BTNL3: variants seen among roughly 807,000 people sequenced by gnomAD.
The protein encoded by BTNL3 is butyrophilin-like protein 3.
BTNL3 carries 20 observed loss-of-function variants against 40.1 expected under a neutral mutation model. The observed-to-expected ratio is 0.50, with a 90% CI of 0.35 to 0.72. The LOEUF (loss-of-function observed/expected upper bound fraction) is 0.72, where lower values mean the gene tolerates loss of function less well. Ranked by LOEUF, BTNL3 falls within the 30% of genes least tolerant of loss-of-function variation. BTNL3 has a pLI of 0.01. For synonymous variants in BTNL3, 179 were observed against 222.1 expected (o/e 0.81, Z 1.73); for missense variants, 449 against 582.2 (o/e 0.77, Z 2.35).
At chr5:180,999,536 A>G (rs1582088528) in intron 3 of BTNL3, among the ~76,000 whole-genome samples, 1 of 137,380 alleles carries the variant, frequency 7.3e-6, no homozygotes, top group Non-Finnish European at 1.7e-5. Context: ...GCAGTGGCTC[A>G]TGCCTGTAGT....
chr5:181,004,854 T>C (rs1462892957), intron 7 of BTNL3, 92 bp downstream of exon 7: 4 of 1,611,188 alleles, frequency 2.5e-6, no homozygotes, highest in Non-Finnish European at 3.4e-6. Context: ...ACAGCAAATC[T>C]GTGATGCCCG....
rs560575104 is a variant in BTNL3 at position 180,991,190 on chromosome 5, G to A, written c.50-1623G>A. Among the ~76,000 whole-genome samples the A allele has an allele frequency of 1.0e-4, 14 of 137,494 alleles. No homozygotes were observed. In the South Asian group the frequency reaches 2.8e-3, roughly 28 times the overall value. The allele number at this position is 137,494 out of a possible 152,430, so 90.2% of individuals were successfully genotyped here. On this transcript the variant is annotated intron_variant, in intron 1 of 7. Transcript: ENST00000342868. The stretch of plus-strand genomic sequence containing the variant: ...CAGGTCAGCAGCTGGTCTGACACCA[G>A]GCTGCAAAGTCACGCCTCACTTAAT...
rs80267416 is a variant in BTNL3, at chr5:181,003,869, G to A, written c.801G>A (p.Ala267=). Reference sequence around the variant, plus strand: ...TTTCTGTTTCAGGGAAAATCCAGGCGGAACTGGGTATGTGTCATGTCCTGA... The same window carrying A: ...TTTCTGTTTCAGGGAAAATCCAGGCAGAACTGGGTATGTGTCATGTCCTGA... ...VFFKSKGKIQ[A]ELDWRRKHGQ... Residue 267 remains alanine (A), a synonymous_variant, in exon 5 of 8, where the codon GCG becomes GCA. Coordinates refer to ENST00000342868, the MANE Select transcript of BTNL3 (RefSeq NM_197975.3). 0.033 allele frequency: 52,732 copies of A among 1,614,004 alleles called. 1,128 individuals are homozygous for A. The highest frequency in any genetic ancestry group is 0.12 in the East Asian group (5,451 of 44,844).
rs1434959480 is a variant in BTNL3, at chr5:181,003,456, T to C, written c.788-400T>C. ...AAATTTCAGGGTGGTTGCAAAGACT[T>C]CATAGAAGAGGAAATAAAACTGACT... On this transcript the variant is annotated intron_variant, in intron 4 of 7. Transcript: ENST00000342868. Among the ~76,000 whole-genome samples the C allele has an allele frequency of 1.5e-5, 2 of 136,736 alleles. 1 individual carries two copies. Among genetic ancestry groups the C allele is most frequent in the Non-Finnish European group, 3.4e-5 (2 of 59,684 alleles). 89.7% of individuals were successfully genotyped at this position (136,736 alleles called of 152,430 possible).
At position 180,994,717 on chromosome 5, in the gene BTNL3, TA is replaced by T. The variant is rs1760012329; in HGVS notation, c.397+1564del. On this transcript the variant is annotated intron_variant, in intron 2 of 7. Transcript: ENST00000342868. Reference sequence around the variant, plus strand: ...GTCCTTGAGGATCTGTTTTTCCCTTTAAAAAAATATTTTCCTCTCTTTTCAT... The same window carrying T: ...GTCCTTGAGGATCTGTTTTTCCCTTTAAAAAATATTTTCCTCTCTTTTCAT... Among the ~76,000 whole-genome samples, 3 of 136,166 alleles carry T rather than the reference TA, an allele frequency of 2.2e-5. 1 individual carries two copies. The highest frequency in any genetic ancestry group is 2.2e-4 in the South Asian group (1 of 4,600). The allele number at this position is 136,166 out of a possible 152,430, so 89.3% of individuals were successfully genotyped here.
intron 4 of BTNL3, among the ~76,000 whole-genome samples, chr5:181,003,000 C>G (rs1760150655): frequency 7.4e-6 from 1 of 135,874 alleles, no homozygotes; most frequent in African/African-American, 2.5e-5. Flanking sequence ...TCCCTTTCTA[C>G]TTTACATGGA....
chr5:180,998,402 C>T lies in BTNL3; in HGVS notation c.673+914C>T, dbSNP rs965535803. ...AGAAATAAGAAAAAAGGTCATACTT[C>T]GAGTTCTAAAATTGATTAAATAAGT... On this transcript the variant is annotated intron_variant, in intron 3 of 7. Transcript: ENST00000342868. Among the ~76,000 whole-genome samples the T allele has an allele frequency of 1.3e-4, 18 of 135,786 alleles. 3 individuals are homozygous for T. The highest frequency in any genetic ancestry group is 7.8e-4 in the Admixed American group (10 of 12,834). 89.1% of individuals were successfully genotyped at this position (135,786 alleles called of 152,430 possible).
Position 180,993,152 on chromosome 5 carries a change from G to A in BTNL3, c.389G>A (p.Arg130Gln), listed in dbSNP as rs370906237. ...IYDEEATWEL[R>Q]VAALGSLPLI... ...GATGAGGAGGCCACCTGGGAGCTGC[G>A]GGTGGCAGGTCAGTTGTTTATTTAT... The change falls in exon 2 of 8, where the codon CGG (arginine) becomes CAG (glutamine). Residue 130 changes from arginine to glutamine, a missense_variant. Arg to Gln is a conservative substitution (Grantham distance 43). This residue lies in a region of BTNL3 where 323 missense variants were observed against 464.9 expected (regional missense o/e 0.69). Transcript: ENST00000342868. 313 of 1,435,694 alleles carry A rather than the reference G, an allele frequency of 2.2e-4. 66 individuals are homozygous for A. The highest frequency in any genetic ancestry group is 5.0e-4 in the South Asian group (43 of 86,006). The allele number at this position is 1,435,694 out of a possible 1,614,324, so 88.9% of individuals were successfully genotyped here.
chr5:180,994,581 T>A (rs1274334403), intron 2 of BTNL3, among the ~76,000 whole-genome samples: 1 of 136,228 alleles, frequency 7.3e-6, no homozygotes, highest in African/African-American at 2.5e-5. Context: ...TTCACCTCAT[T>A]TGATTAGATC....
rs73815153 is a variant in BTNL3 at position 181,005,564 on chromosome 5, G to T, written c.1093G>T (p.Gly365Trp). 94,908 of 1,613,856 alleles carry T rather than the reference G, an allele frequency of 0.059. 3,944 individuals are homozygous for T. Among genetic ancestry groups the T allele is most frequent in the African/African-American group, 0.2 (15,240 of 74,850 alleles). The change falls in exon 8 of 8, where the codon GGG becomes TGG. Residue 365 changes from glycine (G) to tryptophan (W), a missense_variant. Gly to Trp is a radical substitution (Grantham distance 184, BLOSUM62 -2). Around this residue, in one of 2 missense-constraint regions of BTNL3, gnomAD observed 323 missense variants for 464.9 expected, o/e 0.69. Coordinates refer to ENST00000342868, the MANE Select transcript of BTNL3 (RefSeq NM_197975.3). ...AGTGTGTCGGGATGACGTAGACAGG[G>T]GGAAGAACAATGTGACTTTGTCTCC... is the stretch of plus-strand genomic sequence containing the variant. ...VGVCRDDVDR[G>W]KNNVTLSPNN...
rs1434840946 is a variant in BTNL3, at chr5:180,995,830, G to GT, written c.398-1375dup. Among the ~76,000 whole-genome samples, 7 of 134,668 alleles carry GT rather than the reference G, an allele frequency of 5.2e-5. 1 individual carries two copies. Among genetic ancestry groups the GT allele is most frequent in the African/African-American group, 1.0e-4 (4 of 39,250 alleles). The allele number at this position is 134,668 out of a possible 152,430, so 88.3% of individuals were successfully genotyped here. On this transcript the variant is annotated intron_variant, in intron 2 of 7. Transcript: ENST00000342868. ...TGGTCATAGGATGCTCAGCTGCTGTGTTTTTTTTCTACTCCTGGGGTCCCT... is the reference window on the plus strand; with the variant it reads ...TGGTCATAGGATGCTCAGCTGCTGTGTTTTTTTTTCTACTCCTGGGGTCCCT...
At position 181,003,507 on chromosome 5, in the gene BTNL3, T is replaced by C. The variant is rs1484820907; in HGVS notation, c.788-349T>C. 3.6e-5 allele frequency among the ~76,000 whole-genome samples: 5 copies of C among 137,454 alleles called. 2 individuals carry two copies. The highest frequency in any genetic ancestry group is 8.4e-5 in the Non-Finnish European group (5 of 59,872). 90.2% of individuals were successfully genotyped at this position (137,454 alleles called of 152,430 possible). A position where few individuals can be genotyped will look rare whatever the true frequency, so the allele number is the denominator to read the frequency against. On this transcript the variant is annotated intron_variant, in intron 4 of 7. Coordinates refer to ENST00000342868, the MANE Select transcript of BTNL3 (RefSeq NM_197975.3). ...GACTGAGATAAAATGATAATCTCAG[T>C]AAGAGTCTTCACCCTAGAACAAATT...
rs917435628 is a variant in BTNL3 at position 180,994,082 on chromosome 5, T to C, written c.397+922T>C. Reference sequence around the variant, plus strand: ...GCTCCCAAAATGCTGGGATTACAGGTGTGAGCCACCACACCCAGCACATAT... The same window carrying C: ...GCTCCCAAAATGCTGGGATTACAGGCGTGAGCCACCACACCCAGCACATAT... On this transcript the variant is annotated intron_variant, in intron 2 of 7. Transcript: ENST00000342868. Among the ~76,000 whole-genome samples the C allele has an allele frequency of 4.4e-5, 6 of 137,252 alleles. 2 individuals carry two copies. Among genetic ancestry groups the C allele is most frequent in the African/African-American group, 1.5e-4 (6 of 39,878 alleles). The allele number at this position is 137,252 out of a possible 152,430, so 90.0% of individuals were successfully genotyped here. A position where few individuals can be genotyped will look rare whatever the true frequency, so the allele number is the denominator to read the frequency against.
At chr5:180,992,621 G>A (rs1759983242) in intron 1 of BTNL3, among the ~76,000 whole-genome samples, 192 bp from the exon 2 acceptor site, 1 of 137,320 alleles carries the variant, frequency 7.3e-6, no homozygotes, top group Non-Finnish European at 1.7e-5. Context: ...CATGAGATGT[G>A]TGTGAGAACC....
chr5:181,001,831 C>A (rs1419754707), intron 3 of BTNL3, among the ~76,000 whole-genome samples: 1 of 116,068 alleles, frequency 8.6e-6, no homozygotes, highest in Admixed American at 9.6e-5. Flanking sequence ...GGCAACAGAG[C>A]GAGACTCTGT....
rs201813197 is a variant in BTNL3, at chr5:181,005,814, C to A, written c.1343C>A (p.Ala448Glu). The A allele has an allele frequency of 3.1e-6, 5 of 1,613,670 alleles. No homozygotes were observed. The African/African-American group carries it at 6.7e-5, about 22-fold the overall frequency. ...EGLLRPYIQH[A>E]MYDEEKGTPI... ...TTGTTGAGACCCTATATCCAGCATG[C>A]GATGTATGACGAGGAAAAGGGGACT... The change falls in exon 8 of 8, where the codon GCG becomes GAG. Residue 448 changes from alanine to glutamate, a missense_variant. Transcript: ENST00000342868.
At position 181,002,690 on chromosome 5, in the gene BTNL3, C is replaced by T. The variant is rs775124322; in HGVS notation, c.692C>T (p.Ser231Leu). The part of the protein sequence containing the change: ...VLIGETFFQP[S>L]PWRLASILLG... ...TTTTCAGAGACGTTTTTCCAGCCCT[C>T]ACCTTGGCGCCTGGCTTCTATTTTA... is the stretch of plus-strand genomic sequence containing the variant. The change falls in exon 4 of 8, where the codon TCA becomes TTA. Residue 231 changes from serine (S) to leucine (L), a missense_variant. Physicochemically the swap from Ser to Leu is moderately radical, Grantham distance 145. Coordinates refer to ENST00000342868, the MANE Select transcript of BTNL3 (RefSeq NM_197975.3). 4.1e-6 allele frequency: 6 copies of T among 1,455,698 alleles called. 1 individual carries two copies. In the South Asian group the frequency reaches 5.6e-5, roughly 14 times the overall value. 90.2% of individuals were successfully genotyped at this position (1,455,698 alleles called of 1,614,324 possible).
chr5:180,991,459 G>A (rs1759970679), intron 1 of BTNL3, among the ~76,000 whole-genome samples: 1 of 136,788 alleles, frequency 7.3e-6, no homozygotes, highest in South Asian at 2.2e-4. Flanking sequence ...CTTAGAAGGT[G>A]AAGGGAGTGG....
intron 1 of BTNL3, among the ~76,000 whole-genome samples, chr5:180,991,619 T>G (rs1759972368): frequency 7.3e-6 from 1 of 136,900 alleles, no homozygotes; most frequent in Non-Finnish European, 1.7e-5. Flanking sequence ...GCATAATCCC[T>G]GTCTGTGGAG....
Sources: allele counts gnomAD v4.1 joint callset (sites outside exome capture counted in the v4.1 genomes callset), GRCh38; gene constraint gnomAD v4.1.1; regional missense constraint gnomAD v4.1.1; transcripts MANE v1.5; gene names NCBI Gene and HGNC (gene_info 2026-07-23, HGNC 2026-07-21).